Variants in DRC3 observed in about 807,000 individuals in gnomAD.
DRC3 encodes dynein regulatory complex subunit 3.
DRC3 carries 45 observed loss-of-function variants against 57.6 expected under a neutral mutation model. The observed-to-expected ratio is 0.78, with a 90% CI of 0.62 to 1.00. The LOEUF is 1.00. DRC3 is among the 50% of genes least tolerant of loss of function. DRC3 has a pLI of 0.00. For synonymous variants in DRC3, 257 were observed against 272.3 expected (o/e 0.94, Z 0.55); for missense variants, 655 against 675.2 (o/e 0.97, Z 0.33).
In DRC3 at chr17:17,992,826, C is replaced by T. The variant is rs1415559652; in HGVS notation, c.506C>T (p.Ser169Phe). The T allele has an allele frequency of 1.2e-6, 2 of 1,613,996 alleles. No individual in the cohort carries two copies. The highest frequency in any genetic ancestry group is 2.2e-5 in the East Asian group (1 of 44,888). Residue 169 changes from serine (S) to phenylalanine (F), a missense_variant, in exon 6 of 14, where the codon TCT (serine) becomes TTT (phenylalanine). Ser to Phe is a radical substitution (Grantham distance 155). Transcript: ENST00000399187. ...CTCAGCCTCTCTAGGAACCCTATCT[C>T]TGAGGCAGAGGATTACAAGATGTTC... ...RTLSLSRNPI[S>F]EAEDYKMFIC...
intron 1 of DRC3, chr17:17,973,619 A>ATTAT (rs912545575): frequency 9.7e-4 from 148 of 152,122 alleles, no homozygotes; most frequent in African/African-American, 2.6e-3. Context: ...AATTTTGTTC[A>ATTAT]TTATTTATTT....
At chr17:17,981,335 C>A (rs763191717) in intron 3 of DRC3, 2 of 240,072 alleles carry the variant, frequency 8.3e-6, no homozygotes, top group Non-Finnish European at 1.9e-5. Flanking sequence ...ACGGGACAGC[C>A]TCTCATGATG....
chr17:18,013,117 C>A (rs1433953775), intron 12 of DRC3, among the ~76,000 whole-genome samples: 1 of 152,138 alleles, frequency 6.6e-6, no homozygotes, highest in Non-Finnish European at 1.5e-5. Context: ...TCTCACCCCA[C>A]TTAGGATGAT....
At chr17:17,988,354 C>A (rs1456185507) in intron 5 of DRC3, 3 of 494,578 alleles carry the variant, frequency 6.1e-6, no homozygotes, top group Non-Finnish European at 1.1e-5. Flanking sequence ...GTGTCTTGCA[C>A]TTATTTAACA....
At chr17:18,007,727 G>A in intron 12 of DRC3, 1 of 1,219,054 alleles carries the variant, frequency 8.2e-7, no homozygotes, top group Non-Finnish European at 1.0e-6. Context: ...TCTGGAAGGA[G>A]TGTGGGCATC....
chr17:17,979,696 G>C (rs1283681383), intron 3 of DRC3, among the ~76,000 whole-genome samples: 1 of 152,212 alleles, frequency 6.6e-6, no homozygotes, highest in Non-Finnish European at 1.5e-5. Context: ...GGAGCCACAG[G>C]GGGAGTGCTA....
rs74371356 is a variant in DRC3, at chr17:18,013,848, C to G, written c.1327-2216C>G. On this transcript the variant is annotated intron_variant, in intron 12 of 13. Coordinates refer to ENST00000399187, the MANE Select transcript of DRC3 (RefSeq NM_031294.4). ...GAGACGGATATGCTAATACCCTGAT[C>G]TGATCACTATACATGATAGGTGTTG... is the stretch of plus-strand genomic sequence containing the variant. Among the ~76,000 whole-genome samples, 793 of 152,196 alleles carry G rather than the reference C, an allele frequency of 5.2e-3. 5 individuals are homozygous for G. Among genetic ancestry groups the G allele is most frequent in the East Asian group, 0.03 (156 of 5,192 alleles).
At position 17,987,947 on chromosome 17, in the gene DRC3, A is replaced by G; in HGVS notation, c.293A>G (p.Asn98Ser). Residue 98 changes from asparagine (N) to serine (S), a missense_variant, in exon 5 of 14, where the codon AAC (asparagine) becomes AGC (serine). Asn to Ser is a conservative substitution (Grantham distance 46, BLOSUM62 1). Coordinates refer to ENST00000399187, the MANE Select transcript of DRC3 (RefSeq NM_031294.4). ...HLVWLDLSFN[N>S]IETIEGLDTL... ...TTCTTCCCAGATCTGTCTTTCAACA[A>G]CATTGAGACCATCGAGGGGCTGGAC... 1 of 1,613,968 alleles carries G rather than the reference A, an allele frequency of 6.2e-7. No homozygotes were observed. Among genetic ancestry groups the G allele is most frequent in the African/African-American group, 1.3e-5 (1 of 75,062 alleles).
intron 5 of DRC3, among the ~76,000 whole-genome samples, chr17:17,990,139 A>C (rs2043160526): frequency 6.6e-6 from 1 of 152,180 alleles, no homozygotes; most frequent in African/African-American, 2.4e-5. Flanking sequence ...TCTCCTTCCG[A>C]CAGTGGCCCT....
At chr17:18,007,915 C>A in intron 12 of DRC3, 1 of 945,646 alleles carries the variant, frequency 1.1e-6, no homozygotes. Context: ...TGCCTCTTTA[C>A]TGTCCTCTTA....
chr17:17,977,319 AGTGGGTCCAGC>A (rs767309359), intron 2 of DRC3: 4 of 445,238 alleles, frequency 9.0e-6, no homozygotes, highest in Non-Finnish European at 1.7e-5. Flanking sequence ...ACACCAGTCC[AGTGGGTCCAGC>A]GAGGGTCCCA....
At chr17:17,990,989 C>G (rs2043200018) in intron 5 of DRC3, among the ~76,000 whole-genome samples, 1 of 151,872 alleles carries the variant, frequency 6.6e-6, no homozygotes, top group Non-Finnish European at 1.5e-5. Context: ...AAAACTCCAT[C>G]TAAAAAAAAT....
intron 3 of DRC3, among the ~76,000 whole-genome samples, chr17:17,979,716 G>T (rs1344470997): frequency 6.6e-6 from 1 of 152,192 alleles, no homozygotes; most frequent in African/African-American, 2.4e-5. Context: ...ACTGCTGGGG[G>T]GCTGTCAGAT....
chr17:18,006,610 C>T (rs2043960799), intron 11 of DRC3: 1 of 371,986 alleles, frequency 2.7e-6, no homozygotes, highest in Non-Finnish European at 5.0e-6. Context: ...ATGGCCAACC[C>T]TTCTTCCACC....
chr17:17,988,773 C>T (rs1384363900), intron 5 of DRC3, among the ~76,000 whole-genome samples: 5 of 152,078 alleles, frequency 3.3e-5, no homozygotes, highest in South Asian at 4.1e-4. Flanking sequence ...AGCTGTGGGC[C>T]GTGGTGGCTT....
At chr17:18,006,148 A>G (rs772552822) in intron 10 of DRC3, 35 bp from the exon 11 acceptor site, 1 of 1,508,766 alleles carries the variant, frequency 6.6e-7, no homozygotes, top group South Asian at 1.1e-5. Context: ...GGACATCTAA[A>G]TATGCATGTT....
chr17:17,993,128 T>G (rs965442142), intron 6 of DRC3: 21 of 533,610 alleles, frequency 3.9e-5, no homozygotes, highest in Non-Finnish European at 6.0e-5. Context: ...GGGCCAGGCC[T>G]CTTCCACACA....
At position 18,004,454 on chromosome 17, in the gene DRC3, C is replaced by T. The variant is rs11656629; in HGVS notation, c.1091C>T (p.Ala364Val). The T allele has an allele frequency of 0.036, 57,765 of 1,610,770 alleles. 1,233 individuals carry two copies. Among genetic ancestry groups the T allele is most frequent in the Middle Eastern group, 0.052 (318 of 6,058 alleles). ...GCTGACATCAGTGAGTTGTTCGATG[C>T]GCTCATGACGCTGGAGATGCAGCTG... ...CSADISELFD[A>V]LMTLEMQLVE... The change falls in exon 10 of 14, where the codon GCG becomes GTG. Residue 364 changes from alanine (A) to valine (V), a missense_variant. Ala to Val is a moderately conservative substitution (Grantham distance 64). Coordinates refer to ENST00000399187, the MANE Select transcript of DRC3 (RefSeq NM_031294.4).
chr17:17,985,673 C>T (rs896721961), intron 4 of DRC3, among the ~76,000 whole-genome samples: 2 of 152,156 alleles, frequency 1.3e-5, no homozygotes, highest in Non-Finnish European at 2.9e-5. Context: ...TTGAAATTGG[C>T]CACGGTGGGA....
Sources: gnomAD v4.1 joint callset for allele counts (sites outside exome capture counted in the v4.1 genomes callset) on GRCh38, gnomAD v4.1.1 for gene constraint, MANE v1.5 for transcripts, NCBI Gene and HGNC (gene_info 2026-07-23, HGNC 2026-07-21) for gene names.